Variants in MBD5 observed in about 807,000 individuals in gnomAD.
The protein encoded by MBD5 is methyl-CpG-binding domain protein 5.
In MBD5, 13 loss-of-function variants were observed where a neutral mutation model predicts 117.3. The ratio of observed to expected loss-of-function variants is 0.11; its 90% CI spans 0.07 to 0.18. The LOEUF is 0.18. Among genes scored for constraint, MBD5 ranks in the 10% least tolerant of loss-of-function variants. MBD5 has a pLI of 1.00. For missense variants in MBD5, 1,879 were observed against 2,093.8 expected (o/e 0.90, Z 2.00); for synonymous variants, 727 against 766.4 (o/e 0.95, Z 0.85).
chr2:148,304,660 A>G (rs1574263012), intron 3 of MBD5, among the ~76,000 whole-genome samples: 1 of 152,206 alleles, frequency 6.6e-6, no homozygotes, highest in African/African-American at 2.4e-5. Context: ...CAATAAGGGC[A>G]GTGGGTATCT....
At chr2:148,243,318 A>T (rs1464887963) in intron 3 of MBD5, among the ~76,000 whole-genome samples, 1 of 138,110 alleles carries the variant, frequency 7.2e-6, no homozygotes, top group African/African-American at 2.5e-5. Flanking sequence ...AGCTCTGAGA[A>T]ATATAGAAAA....
chr2:148,482,204 T>C (rs1330063050), intron 8 of MBD5, among the ~76,000 whole-genome samples: 1 of 152,148 alleles, frequency 6.6e-6, no homozygotes, highest in Non-Finnish European at 1.5e-5. Context: ...AATTTCACTT[T>C]TAAGAATTTA....
intron 4 of MBD5, among the ~76,000 whole-genome samples, chr2:148,422,963 C>T (rs1346090510): frequency 1.3e-5 from 2 of 152,074 alleles, no homozygotes; most frequent in African/African-American, 4.8e-5. Flanking sequence ...GATTAGCATA[C>T]CTGAAAGTGA....
intron 3 of MBD5, among the ~76,000 whole-genome samples, chr2:148,279,205 G>A (rs1055643737): frequency 2.0e-5 from 3 of 152,146 alleles, no homozygotes; most frequent in Non-Finnish European, 4.4e-5. Flanking sequence ...CAGGGTGGGA[G>A]GATCACTTGA....
At chr2:148,038,091 A>G (rs563933152) in intron 1 of MBD5, among the ~76,000 whole-genome samples, 2,528 of 152,072 alleles carry the variant, frequency 0.017, 74 homozygotes, top group African/African-American at 0.058. Flanking sequence ...CAACTGGTAT[A>G]TCTGGTACCT....
At chr2:148,403,619 C>G (rs1704990432) in intron 4 of MBD5, among the ~76,000 whole-genome samples, 1 of 152,098 alleles carries the variant, frequency 6.6e-6, no homozygotes, top group Admixed American at 6.6e-5. Flanking sequence ...TAGAGAAATC[C>G]TATGTGCCTT....
intron 1 of MBD5, among the ~76,000 whole-genome samples, chr2:148,164,409 A>G (rs1209151740): frequency 6.6e-6 from 1 of 152,026 alleles, no homozygotes. Context: ...GTCCATAGAG[A>G]AGGGGACATT....
intron 1 of MBD5, among the ~76,000 whole-genome samples, chr2:148,078,073 C>A: frequency 6.6e-6 from 1 of 152,094 alleles, no homozygotes; most frequent in Non-Finnish European, 1.5e-5. Context: ...ATTTCCTATG[C>A]CGTTGAGTTG....
chr2:148,383,173 T>G (rs1293617914), intron 4 of MBD5, among the ~76,000 whole-genome samples: 1 of 152,142 alleles, frequency 6.6e-6, no homozygotes, highest in Non-Finnish European at 1.5e-5. Flanking sequence ...AGGAGCTGTT[T>G]TTTTGAAAAG....
At chr2:148,459,765 AAC>A (rs1707009919) in intron 5 of MBD5, among the ~76,000 whole-genome samples, 1 of 152,146 alleles carries the variant, frequency 6.6e-6, no homozygotes, top group Admixed American at 6.6e-5. Flanking sequence ...TGGTTATGTA[AAC>A]ACAGACTATT....
chr2:148,187,416 A>G (rs1698691670), intron 2 of MBD5, among the ~76,000 whole-genome samples: 1 of 152,200 alleles, frequency 6.6e-6, no homozygotes, highest in African/African-American at 2.4e-5. Flanking sequence ...ATTTGAACAA[A>G]TATGGCCAAA....
At chr2:148,385,480 G>A (rs1364816904) in intron 4 of MBD5, among the ~76,000 whole-genome samples, 1 of 152,042 alleles carries the variant, frequency 6.6e-6, no homozygotes, top group Non-Finnish European at 1.5e-5. Context: ...GAGAGGATGT[G>A]GAGAAATAGG....
At chr2:148,155,030 C>G (rs1037030439) in intron 1 of MBD5, among the ~76,000 whole-genome samples, 7 of 152,112 alleles carry the variant, frequency 4.6e-5, no homozygotes, top group Non-Finnish European at 8.8e-5. Context: ...AAGAAACAAA[C>G]AAATATTTAC....
At chr2:148,054,209 A>G (rs1332515615) in intron 1 of MBD5, among the ~76,000 whole-genome samples, 1 of 152,090 alleles carries the variant, frequency 6.6e-6, no homozygotes, top group African/African-American at 2.4e-5. Context: ...GCCCAGCGTG[A>G]TCCAATGAAC....
chr2:148,034,966 A>G (rs1694149466), intron 1 of MBD5, among the ~76,000 whole-genome samples: 1 of 152,172 alleles, frequency 6.6e-6, no homozygotes, highest in South Asian at 2.1e-4. Context: ...TGAATACTAC[A>G]ATATAGAACC....
At chr2:148,183,202 T>TCAGCAATGATATGGTC (rs1698570353) in intron 2 of MBD5, among the ~76,000 whole-genome samples, 5 of 152,098 alleles carry the variant, frequency 3.3e-5, no homozygotes, top group Admixed American at 3.3e-4. Context: ...TCCTCTACAT[T>TCAGCAATGATATGGTC]TGATATATAC....
chr2:148,050,443 A>G (rs925101462), intron 1 of MBD5, among the ~76,000 whole-genome samples: 1 of 151,902 alleles, frequency 6.6e-6, no homozygotes, highest in Non-Finnish European at 1.5e-5. Context: ...GAATTGTAAG[A>G]GTTCTTTATA....
At chr2:148,455,837 G>A (rs754638945) in intron 4 of MBD5, among the ~76,000 whole-genome samples, 2 of 151,848 alleles carry the variant, frequency 1.3e-5, no homozygotes, top group Admixed American at 6.6e-5. Flanking sequence ...TGAGACCACT[G>A]AAGAGATTTC....
In MBD5 at chr2:148,468,545, A is replaced by C; in HGVS notation, c.602A>C (p.Gln201Pro). ...QQELHPVYPR[Q>P]RLGSSEHGQK... is the part of the protein sequence containing the mutation. ...GAACTCCACCCTGTCTACCCCCGAC[A>C]GAGATTGGGCAGCAGTGAACATGGA... The change falls in exon 8 of 14, where the codon CAG (glutamine) becomes CCG (proline). Residue 201 changes from glutamine (Q) to proline (P), a missense_variant. Gln to Pro is a moderately conservative substitution (Grantham distance 76). This residue lies in a region of MBD5 where 1,666 missense variants were observed against 1,792.2 expected (regional missense o/e 0.93). Coordinates refer to ENST00000642680, the MANE Select transcript of MBD5 (RefSeq NM_001378120.1). The C allele has an allele frequency of 1.2e-6, 2 of 1,613,874 alleles. No individual in the cohort carries two copies. Among genetic ancestry groups the C allele is most frequent in the Non-Finnish European group, 1.7e-6 (2 of 1,179,810 alleles).
Sources: gnomAD v4.1 joint callset for allele counts (sites outside exome capture counted in the v4.1 genomes callset) on GRCh38, gnomAD v4.1.1 for gene constraint, gnomAD v4.1.1 regional missense constraint, MANE v1.5 for transcripts, NCBI Gene and HGNC (gene_info 2026-07-23, HGNC 2026-07-21) for gene names.